The following PIEZO2 variants were observed in gnomAD, a reference collection of about 807,000 sequenced individuals.
PIEZO2 encodes the protein piezo type mechanosensitive ion channel component 2.
Under a neutral mutation model 337.3 loss-of-function variants are expected in PIEZO2, and 172 were observed. The observed-to-expected ratio is 0.51, with a 90% CI of 0.45 to 0.58. The LOEUF is 0.58. Among genes scored for constraint, PIEZO2 ranks in the 20% least tolerant of loss-of-function variants. The pLI is 0.00. For missense variants in PIEZO2, 3,028 were observed against 3,391.3 expected, an observed-to-expected ratio of 0.89 and a Z score of 2.66; for synonymous variants, 1,251 against 1,228.5, an observed-to-expected ratio of 1.02 and a Z score of -0.38.
intron 2 of PIEZO2, among the ~76,000 whole-genome samples, chr18:11,061,429 T>A (rs1437657818): frequency 1.3e-5 from 2 of 150,748 alleles, no homozygotes; most frequent in Non-Finnish European, 3.0e-5. Context: ...GAGAAGGAAA[T>A]AAAGGGTATT....
chr18:10,927,004 G>A (rs917930382), intron 3 of PIEZO2, among the ~76,000 whole-genome samples: 29 of 152,174 alleles, frequency 1.9e-4, no homozygotes, highest in African/African-American at 6.8e-4. Context: ...GAATACAAAT[G>A]TCTTACTCAT....
intron 3 of PIEZO2, among the ~76,000 whole-genome samples, chr18:10,966,448 T>C (rs2034003672): frequency 6.6e-6 from 1 of 152,172 alleles, no homozygotes; most frequent in Non-Finnish European, 1.5e-5. Flanking sequence ...CCAGAGTGCA[T>C]TGTTTCATAA....
rs1004758855 is a variant in PIEZO2 at position 11,146,988 on chromosome 18, G to A, written c.64+1537C>T. ...CCATAAATCACGCTTCATGCTAAAA[G>A]CCCTTTGTTAACTCGGTCACTAGCT... On this transcript the variant is annotated intron_variant, in intron 1 of 55. Transcript: ENST00000674853. The surrounding 1 kb of genome is among the most constrained non-coding windows in gnomAD (Gnocchi z 6.1). Among the ~76,000 whole-genome samples, 1 of 152,166 alleles carries A rather than the reference G, an allele frequency of 6.6e-6. No homozygotes were observed. Among genetic ancestry groups the A allele is most frequent in the East Asian group, 1.9e-4 (1 of 5,176 alleles).
chr18:10,675,365 G>A, intron 53 of PIEZO2, 77 bp from the exon 54 acceptor site: 1 of 877,814 alleles, frequency 1.1e-6, no homozygotes, highest in Non-Finnish European at 1.7e-6. Context: ...TGTTGTTATT[G>A]TTGACCTTGT....
intron 3 of PIEZO2, among the ~76,000 whole-genome samples, chr18:10,951,122 T>C (rs931440008): frequency 6.6e-6 from 1 of 152,208 alleles, no homozygotes; most frequent in Non-Finnish European, 1.5e-5. Context: ...TTATCTAATA[T>C]TTGCTGCAAC....
At chr18:10,972,152 G>T (rs2034264340) in intron 3 of PIEZO2, among the ~76,000 whole-genome samples, 1 of 138,394 alleles carries the variant, frequency 7.2e-6, no homozygotes. Context: ...CAGCCTGGGT[G>T]ACAGAGCGAG....
Position 10,945,513 on chromosome 18 carries a change from C to T in PIEZO2, c.286+34022G>A, listed in dbSNP as rs1480259472. 6.6e-6 allele frequency among the ~76,000 whole-genome samples: 1 copy of T among 152,106 alleles called. No homozygotes were observed. The highest frequency in any genetic ancestry group is 2.4e-5 in the African/African-American group (1 of 41,410). On this transcript the variant is annotated intron_variant, in intron 3 of 55. Coordinates refer to ENST00000674853, the MANE Select transcript of PIEZO2 (RefSeq NM_001378183.1). This position sits in a 1 kb window ranked among gnomAD's most constrained non-coding sequence, Gnocchi z 4.0. ...TGGTCTTGCCTCACAAATGTTTAAA[C>T]AAAACACCCCCAAGAGATCAAAACA...
At chr18:10,916,416 G>A (rs1053721163) in intron 3 of PIEZO2, among the ~76,000 whole-genome samples, 6 of 152,262 alleles carry the variant, frequency 3.9e-5, no homozygotes, top group East Asian at 1.9e-4. Context: ...CTGCAGGTCC[G>A]GAGCCCTTCC....
intron 3 of PIEZO2, among the ~76,000 whole-genome samples, chr18:10,927,073 G>A (rs1363069202): frequency 6.6e-6 from 1 of 152,102 alleles, no homozygotes; most frequent in Non-Finnish European, 1.5e-5. Flanking sequence ...TTCTGACCTG[G>A]GTCACACGCG....
At chr18:10,691,741 A>G (rs2034838246) in intron 47 of PIEZO2, among the ~76,000 whole-genome samples, 1 of 144,528 alleles carries the variant, frequency 6.9e-6, no homozygotes, top group Non-Finnish European at 1.5e-5. Flanking sequence ...TATACATTAT[A>G]TATATGATAT....
chr18:10,841,923 G>A (rs2041207259), intron 7 of PIEZO2, among the ~76,000 whole-genome samples: 1 of 152,048 alleles, frequency 6.6e-6, no homozygotes, highest in African/African-American at 2.4e-5. Flanking sequence ...GAGCACTTTG[G>A]GAGACGGGTG....
chr18:11,108,071 T>G (rs1043598083), intron 1 of PIEZO2, among the ~76,000 whole-genome samples: 4 of 152,040 alleles, frequency 2.6e-5, no homozygotes, highest in African/African-American at 9.7e-5. Context: ...AATACAAGAG[T>G]TAGGGTGACT....
intron 3 of PIEZO2, among the ~76,000 whole-genome samples, chr18:10,932,594 C>T (rs1230156979): frequency 6.6e-6 from 1 of 151,966 alleles, no homozygotes; most frequent in Non-Finnish European, 1.5e-5. Context: ...CAGGCAGTGA[C>T]ATGATTGAAA....
chr18:10,689,795 G>A lies in PIEZO2; in HGVS notation c.7357C>T (p.Leu2453Phe). The A allele has an allele frequency of 1.2e-6, 2 of 1,606,798 alleles. No homozygotes were observed. The highest frequency in any genetic ancestry group is 1.1e-5 in the South Asian group (1 of 89,892). The change falls in exon 49 of 56, where the codon CTC (leucine) becomes TTC (phenylalanine). Residue 2453 changes from leucine to phenylalanine, a missense_variant. Around this residue, in one of 5 missense-constraint regions of PIEZO2, gnomAD observed 179 missense variants for 281.8 expected, o/e 0.64. Transcript: ENST00000674853. ...CTCAGCTCAGTCAAAAAGGGCACGA[G>A]GCGAAACCTGGCAGGAAACACATCT... Reference protein sequence around the residue: ...VNLFLFQGFRLVPFLTELRAV... With the variant: ...VNLFLFQGFRFVPFLTELRAV...
Position 10,775,810 on chromosome 18 carries a change from G to A in PIEZO2, c.2535-1772C>T, listed in dbSNP as rs972769448. On this transcript the variant is annotated intron_variant, in intron 18 of 55. Coordinates refer to ENST00000674853, the MANE Select transcript of PIEZO2 (RefSeq NM_001378183.1). This position sits in a 1 kb window ranked among gnomAD's most constrained non-coding sequence, Gnocchi z 4.3. ...GATGCAGCTGCGGACAAATGAGAAG[G>A]GCATCTCTGCATCCAACACTGCTCA... 1.3e-4 allele frequency among the ~76,000 whole-genome samples: 20 copies of A among 152,118 alleles called. No individual in the cohort carries two copies. Among genetic ancestry groups the A allele is most frequent in the African/African-American group, 4.8e-4 (20 of 41,478 alleles).
chr18:10,726,603 C>T lies in PIEZO2; in HGVS notation c.5029+4804G>A, dbSNP rs1382065563. 10 of 1,339,974 alleles carry T rather than the reference C, an allele frequency of 7.5e-6. No individual in the cohort carries two copies. The highest frequency in any genetic ancestry group is 2.9e-5 in the Admixed American group (1 of 34,196). The allele number at this position is 1,339,974 out of a possible 1,614,324, so 83.0% of individuals were successfully genotyped here. A position where few individuals can be genotyped will look rare whatever the true frequency, so the allele number is the denominator to read the frequency against. The stretch of plus-strand genomic sequence containing the variant: ...AGCTCTTCCAGGACCTGGCGCGCTA[C>T]GTGCGGGACGCCGACGTGCGCTGGG... On this transcript the variant is annotated intron_variant, in intron 36 of 55. Coordinates refer to ENST00000674853, the MANE Select transcript of PIEZO2 (RefSeq NM_001378183.1). This position sits in a 1 kb window ranked among gnomAD's most constrained non-coding sequence, Gnocchi z 5.9.
chr18:11,144,230 T>C (rs2146296552), intron 1 of PIEZO2, among the ~76,000 whole-genome samples: 2 of 152,334 alleles, frequency 1.3e-5, no homozygotes, highest in Non-Finnish European at 2.9e-5. Flanking sequence ...CTCATGCCCG[T>C]CTGTGTGGAT....
At chr18:11,011,706 G>T (rs1433309077) in intron 2 of PIEZO2, among the ~76,000 whole-genome samples, 2 of 152,252 alleles carry the variant, frequency 1.3e-5, no homozygotes, top group East Asian at 3.9e-4. Flanking sequence ...ACAACCTGGA[G>T]AACCCATTCC....
rs1402232361 is a variant in PIEZO2 at position 10,916,381 on chromosome 18, C to T, written c.287-5153G>A. Among the ~76,000 whole-genome samples the T allele has an allele frequency of 4.6e-5, 7 of 152,280 alleles. No homozygotes were observed. The South Asian group carries it at 8.3e-4, about 18-fold the overall frequency. ...GGCTCGGGCCTGTGCTGCAGCCAACCGCGGTAGGGCTCAGGCATGGCAGGC... is the reference window on the plus strand; with the variant it reads ...GGCTCGGGCCTGTGCTGCAGCCAACTGCGGTAGGGCTCAGGCATGGCAGGC... On this transcript the variant is annotated intron_variant, in intron 3 of 55. Coordinates refer to ENST00000674853, the MANE Select transcript of PIEZO2 (RefSeq NM_001378183.1).
Sources: allele counts gnomAD v4.1 joint callset (sites outside exome capture counted in the v4.1 genomes callset), GRCh38; gene constraint gnomAD v4.1.1; regional missense constraint gnomAD v4.1.1; non-coding constraint Gnocchi (gnomAD v3.1); transcripts MANE v1.5; gene names NCBI Gene and HGNC (gene_info 2026-07-23, HGNC 2026-07-21).